The following NEK4 variants were observed in gnomAD, a reference collection of about 807,000 sequenced individuals.
NEK4 encodes NIMA related kinase 4.
NEK4 carries 86 observed loss-of-function variants against 98.4 expected under a neutral mutation model. The ratio of observed to expected loss-of-function variants is 0.87; its 90% confidence interval spans 0.73 to 1.05. The LOEUF is 1.05. Ranked by LOEUF, NEK4 falls within the 50% of genes least tolerant of loss-of-function variation. The pLI, the probability that NEK4 is intolerant of heterozygous loss-of-function variation, is 0.00. For synonymous variants in NEK4, 328 were observed against 342.2 expected, an observed-to-expected ratio of 0.96 and a Z score of 0.46; for missense variants, 898 against 950.3, an observed-to-expected ratio of 0.94 and a Z score of 0.72.
chr3:52,752,954 A>ACACACACACACACACACAC (rs1315107149), intron 6 of NEK4, among the ~76,000 whole-genome samples: 7 of 137,376 alleles, frequency 5.1e-5, no homozygotes, highest in Non-Finnish European at 6.2e-5. Context: ...ACACACACAC[A>ACACACACACACACACACAC]ATGGAATATT....
chr3:52,769,794 C>T (rs1490001461), intron 1 of NEK4, among the ~76,000 whole-genome samples: 1 of 152,156 alleles, frequency 6.6e-6, no homozygotes, highest in East Asian at 1.9e-4. Context: ...TATTGTCACC[C>T]TATTAATAAA....
intron 1 of NEK4, 73 bp from the exon 2 acceptor site, chr3:52,768,677 C>T: frequency 6.9e-7 from 1 of 1,457,748 alleles, no homozygotes; most frequent in African/African-American, 1.4e-5. Flanking sequence ...TATCTAAGGG[C>T]TCTCAAGAAT....
In NEK4 at chr3:52,770,707, T is replaced by C; in HGVS notation, c.40A>G (p.Lys14Glu). 2 of 1,578,492 alleles carry C rather than the reference T, an allele frequency of 1.3e-6. No individual in the cohort carries two copies. The highest frequency in any genetic ancestry group is 2.3e-5 in the South Asian group (2 of 86,184). The change falls in exon 1 of 16, where the codon AAG becomes GAG. Residue 14 changes from lysine to glutamate, a missense_variant. By Grantham distance (56) the Lys-to-Glu change is moderately conservative (BLOSUM62 1). Transcript: ENST00000233027. The stretch of plus-strand genomic sequence containing the variant: ...AGCGTCACCTCTCCATAGCTCCCCT[T>C]GCCCACGACCCGCAGGTAGCAGTAG... ...AAYCYLRVVG[K>E]GSYGEVTLVK...
At chr3:52,714,027 G>T (rs1235259585) in intron 15 of NEK4, among the ~76,000 whole-genome samples, 1 of 152,136 alleles carries the variant, frequency 6.6e-6, no homozygotes, top group Non-Finnish European at 1.5e-5. Context: ...TTGAGCTCAG[G>T]AGTTCAAGAC....
At chr3:52,732,003 T>C (rs555983797) in intron 15 of NEK4, among the ~76,000 whole-genome samples, 35 of 152,330 alleles carry the variant, frequency 2.3e-4, no homozygotes, top group African/African-American at 7.7e-4. Flanking sequence ...GTAAGACGTG[T>C]CTTGCTTCCC....
chr3:52,734,363 T>C (rs1249811284), intron 15 of NEK4, among the ~76,000 whole-genome samples: 1 of 150,214 alleles, frequency 6.7e-6, no homozygotes, highest in African/African-American at 2.4e-5. Context: ...GGCAGGAGAA[T>C]TGCTTGAACC....
Position 52,746,819 on chromosome 3 carries a change from G to A in NEK4, c.1592C>T (p.Ser531Phe). The A allele has an allele frequency of 6.2e-7, 1 of 1,614,122 alleles. No individual in the cohort carries two copies. The highest frequency in any genetic ancestry group is 8.5e-7 in the Non-Finnish European group (1 of 1,179,972). Residue 531 changes from serine to phenylalanine, a missense_variant, in exon 9 of 16, where the codon TCC becomes TTC. Coordinates refer to ENST00000233027, the MANE Select transcript of NEK4 (RefSeq NM_003157.6). ...LQPHNSGSEPSLSRQRRQKRR... is the reference protein window; with the variant it reads ...LQPHNSGSEPFLSRQRRQKRR... ...CTTTTGCCGTCGCTGTCGAGACAGG[G>A]AAGGTTCAGACCCAGAGTTGTGTGG...
chr3:52,739,485 A>C lies in NEK4; in HGVS notation c.2243T>G (p.Leu748Arg). ...LHRKYRDTLI[L>R]HGKVAEEAEE... ...TGCCTCTTCTGCAACCTTCCCATGA[A>C]GTATCAGTGTGTCCCGATATTTCCG... Residue 748 changes from leucine (L) to arginine (R), a missense_variant, in exon 14 of 16, where the codon CTT becomes CGT. Physicochemically the swap from Leu to Arg is moderately radical, Grantham distance 102. Transcript: ENST00000233027. 1 of 1,614,190 alleles carries C rather than the reference A, an allele frequency of 6.2e-7. No individual in the cohort carries two copies. Among genetic ancestry groups the C allele is most frequent in the Non-Finnish European group, 8.5e-7 (1 of 1,180,028 alleles).
intron 15 of NEK4, among the ~76,000 whole-genome samples, chr3:52,721,310 T>G (rs570882051): frequency 1.3e-5 from 2 of 152,364 alleles, no homozygotes; most frequent in South Asian, 2.1e-4. Context: ...CTGACACTGT[T>G]GCAAACCTCC....
chr3:52,751,837 T>C, intron 7 of NEK4, 95 bp downstream of exon 7: 1 of 1,216,804 alleles, frequency 8.2e-7, no homozygotes, highest in Non-Finnish European at 1.2e-6. Context: ...ATAGAATTAC[T>C]GATTTTCCTA....
intron 15 of NEK4, among the ~76,000 whole-genome samples, chr3:52,719,309 C>T (rs1316343456): frequency 6.6e-6 from 1 of 152,064 alleles, no homozygotes; most frequent in Non-Finnish European, 1.5e-5. Context: ...GGCTAGTTTG[C>T]AGAGACGATT....
At chr3:52,741,141 C>T (rs1222925422) in intron 13 of NEK4, among the ~76,000 whole-genome samples, 4 of 149,568 alleles carry the variant, frequency 2.7e-5, no homozygotes, top group Non-Finnish European at 5.9e-5. Flanking sequence ...GAGGCTGAGT[C>T]AGGAGAACGG....
At chr3:52,755,640 T>C (rs1416846460) in intron 6 of NEK4, among the ~76,000 whole-genome samples, 3 of 152,112 alleles carry the variant, frequency 2.0e-5, no homozygotes, top group Non-Finnish European at 4.4e-5. Flanking sequence ...AAGGCAAGAA[T>C]GCCTGTTTTC....
intron 4 of NEK4, among the ~76,000 whole-genome samples, chr3:52,764,362 T>G (rs1698470865): frequency 6.6e-6 from 1 of 151,362 alleles, no homozygotes; most frequent in Admixed American, 6.6e-5. Flanking sequence ...CCGGGTGCAG[T>G]GGCTCACACC....
intron 15 of NEK4, among the ~76,000 whole-genome samples, chr3:52,725,530 A>C (rs202112412): frequency 0.11 from 13,231 of 125,034 alleles, 1,388 homozygotes; most frequent in African/African-American, 0.31. Context: ...ACAAAACAAA[A>C]CAAAAAAAAA....
chr3:52,746,213 T>C lies in NEK4; in HGVS notation c.1678-3A>G. Reference sequence around the variant, plus strand: ...AATCGAGGAGGCGACTCTTGGAACTTAAATAATTAAAAAAGAAGATTATCA... The same window carrying C: ...AATCGAGGAGGCGACTCTTGGAACTCAAATAATTAAAAAAGAAGATTATCA... On this transcript the variant is annotated splice_polypyrimidine_tract_variant and splice_region_variant and intron_variant, in intron 9 of 15. Transcript: ENST00000233027. 1 of 1,613,052 alleles carries C rather than the reference T, an allele frequency of 6.2e-7. No individual in the cohort carries two copies. The highest frequency in any genetic ancestry group is 1.6e-4 in the Middle Eastern group (1 of 6,062).
chr3:52,738,118 T>A (rs983589313), intron 14 of NEK4, among the ~76,000 whole-genome samples: 1 of 151,996 alleles, frequency 6.6e-6, no homozygotes, highest in Non-Finnish European at 1.5e-5. Context: ...CGGCCTATTT[T>A]TTTTTTTTAA....
At chr3:52,752,758 G>T (rs1488122699) in intron 6 of NEK4, among the ~76,000 whole-genome samples, 1 of 150,224 alleles carries the variant, frequency 6.7e-6, no homozygotes, top group Non-Finnish European at 1.5e-5. Context: ...AAATTAGCCA[G>T]GTGTGGTGGT....
chr3:52,715,900 A>T (rs1369456118), intron 15 of NEK4, among the ~76,000 whole-genome samples: 2 of 152,210 alleles, frequency 1.3e-5, no homozygotes, highest in Non-Finnish European at 2.9e-5. Flanking sequence ...AGGAGCCCAG[A>T]CCTGGGAGCT....
Sources: allele counts gnomAD v4.1 joint callset (sites outside exome capture counted in the v4.1 genomes callset), GRCh38; gene constraint gnomAD v4.1.1; transcripts MANE v1.5; gene names NCBI Gene and HGNC (gene_info 2026-07-23, HGNC 2026-07-21).